SCFD1: variants seen among roughly 807,000 people sequenced by gnomAD.
SCFD1 encodes sec1 family domain-containing protein 1.
A neutral mutation model predicts 103.2 loss-of-function variants in SCFD1; 37 were observed. That is an observed-to-expected ratio of 0.36 (90% CI 0.28 to 0.47). SCFD1 has a LOEUF of 0.47. SCFD1 is among the 20% of genes least tolerant of loss of function. The pLI, the probability that SCFD1 is intolerant of heterozygous loss-of-function variation, is 1.00. For synonymous variants in SCFD1, 264 were observed against 245.0 expected (o/e 1.08, Z -0.73); for missense variants, 639 against 761.2 (o/e 0.84, Z 1.89).
At chr14:30,660,567 G>A (rs1002077409) in intron 10 of SCFD1, among the ~76,000 whole-genome samples, 3 of 151,736 alleles carry the variant, frequency 2.0e-5, no homozygotes, top group Non-Finnish European at 4.4e-5. Context: ...GGCAAATGGT[G>A]ATTTTCTGTT....
intron 5 of SCFD1, among the ~76,000 whole-genome samples, chr14:30,639,462 A>G (rs1006876050): frequency 1.3e-5 from 2 of 152,198 alleles, no homozygotes; most frequent in Non-Finnish European, 2.9e-5. Flanking sequence ...TTAAAATTGT[A>G]TGTTTTCTTC....
intron 23 of SCFD1, 180 bp from the exon 24 acceptor site, chr14:30,734,610 A>G (rs1428134653): frequency 1.8e-6 from 1 of 567,322 alleles, no homozygotes; most frequent in East Asian, 3.0e-5. Context: ...TGCTCATTTC[A>G]CCACTTTATT....
At position 30,695,735 on chromosome 14, in the gene SCFD1, G is replaced by A. The variant is rs1275454793; in HGVS notation, c.1339+866G>A. Reference sequence around the variant, plus strand: ...AAAATGAAGAAAGTTAGCCAGGCAGGGTGGCATGCATCTGTAGTCCCAGCT... The same window carrying A: ...AAAATGAAGAAAGTTAGCCAGGCAGAGTGGCATGCATCTGTAGTCCCAGCT... On this transcript the variant is annotated intron_variant, in intron 15 of 24. Coordinates refer to ENST00000458591, the MANE Select transcript of SCFD1 (RefSeq NM_016106.4). Among the ~76,000 whole-genome samples the A allele has an allele frequency of 3.3e-5, 5 of 152,006 alleles. No homozygotes were observed. The East Asian group carries it at 9.6e-4, about 29-fold the overall frequency.
At chr14:30,728,785 T>C (rs1893229349) in intron 23 of SCFD1, among the ~76,000 whole-genome samples, 1 of 151,954 alleles carries the variant, frequency 6.6e-6, no homozygotes, top group South Asian at 2.1e-4. Context: ...TTTTCACATG[T>C]GTATTGGCCA....
intron 23 of SCFD1, among the ~76,000 whole-genome samples, chr14:30,727,933 GAAAATA>G (rs1272412096): frequency 2.0e-5 from 3 of 152,160 alleles, no homozygotes; most frequent in Non-Finnish European, 4.4e-5. Context: ...TTAGATAGGT[GAAAATA>G]AAAACAGTCC....
chr14:30,626,894 G>A (rs1288936763), intron 1 of SCFD1, among the ~76,000 whole-genome samples: 1 of 152,158 alleles, frequency 6.6e-6, no homozygotes, highest in African/African-American at 2.4e-5. Context: ...ACCTCAGCAA[G>A]CAAGCATTTA....
intron 6 of SCFD1, among the ~76,000 whole-genome samples, chr14:30,641,120 G>A (rs962937697): frequency 2.0e-5 from 3 of 152,104 alleles, no homozygotes; most frequent in African/African-American, 7.2e-5. Flanking sequence ...ACTAAACACA[G>A]GCAGTCTCAC....
At chr14:30,645,929 T>C (rs1396460312) in intron 7 of SCFD1, among the ~76,000 whole-genome samples, 1 of 152,206 alleles carries the variant, frequency 6.6e-6, no homozygotes, top group Admixed American at 6.5e-5. Flanking sequence ...CTTTTGCCCA[T>C]TTATTATGAC....
intron 14 of SCFD1, among the ~76,000 whole-genome samples, chr14:30,683,839 T>C (rs1293432773): frequency 6.6e-6 from 1 of 152,216 alleles, no homozygotes; most frequent in Non-Finnish European, 1.5e-5. Flanking sequence ...GGTATAACTC[T>C]TTATTCCCTT....
At chr14:30,653,348 A>G (rs1336812806) in intron 9 of SCFD1, 141 bp from the exon 10 acceptor site, 10 of 604,600 alleles carry the variant, frequency 1.7e-5, no homozygotes, top group Admixed American at 1.6e-4. Context: ...CACATATACT[A>G]AAAAACAAAG....
At chr14:30,703,103 A>G (rs1305649187) in intron 17 of SCFD1, among the ~76,000 whole-genome samples, 5 of 152,044 alleles carry the variant, frequency 3.3e-5, no homozygotes, top group African/African-American at 1.2e-4. Flanking sequence ...TGTTTAATAA[A>G]TATTTCCTAA....
intron 19 of SCFD1, chr14:30,715,277 G>C (rs756725111): frequency 3.3e-5 from 5 of 151,998 alleles, no homozygotes; most frequent in Non-Finnish European, 5.9e-5. Flanking sequence ...GAGAGGAAAT[G>C]AAAAAAATAC....
rs532139935 is a variant in SCFD1, at chr14:30,710,590, T to C, written c.1629+2525T>C. On this transcript the variant is annotated intron_variant, in intron 19 of 24. Coordinates refer to ENST00000458591, the MANE Select transcript of SCFD1 (RefSeq NM_016106.4). Reference sequence around the variant, plus strand: ...TCTGGTTACTACTGTCCACGACAAATTGCTAGGATTGAAATCTAGAATCAA... The same window carrying C: ...TCTGGTTACTACTGTCCACGACAAACTGCTAGGATTGAAATCTAGAATCAA... Among the ~76,000 whole-genome samples the C allele has an allele frequency of 2.0e-3, 299 of 152,278 alleles. 1 individual carries two copies. Among genetic ancestry groups the C allele is most frequent in the Middle Eastern group, 0.01 (3 of 294 alleles).
At chr14:30,650,525 A>T in intron 8 of SCFD1, 40 bp from the exon 9 acceptor site, 1 of 1,169,526 alleles carries the variant, frequency 8.6e-7, no homozygotes, top group South Asian at 1.3e-5. Flanking sequence ...ATAAAGTTAT[A>T]TGAAACTGTT....
chr14:30,683,730 AT>A (rs1889687072), intron 14 of SCFD1: 1 of 169,298 alleles, frequency 5.9e-6, no homozygotes, highest in African/African-American at 2.4e-5. Flanking sequence ...AATCTGGAAT[AT>A]TCCTAACATA....
At chr14:30,712,512 T>A (rs796092527) in intron 19 of SCFD1, among the ~76,000 whole-genome samples, 15 of 152,352 alleles carry the variant, frequency 9.8e-5, no homozygotes, top group Admixed American at 2.6e-4. Context: ...GTCTTTTTTT[T>A]AAGTTTTTGT....
intron 1 of SCFD1, among the ~76,000 whole-genome samples, chr14:30,625,705 A>ATGTAGGCATATAGGTATACCTATATAGG: frequency 9.4e-6 from 1 of 105,962 alleles, no homozygotes. Flanking sequence ...AGGTATAGGT[A>ATGTAGGCATATAGGTATACCTATATAGG]TATAGGTATA....
At chr14:30,644,193 G>T (rs867460781) in intron 7 of SCFD1, among the ~76,000 whole-genome samples, 14 of 151,996 alleles carry the variant, frequency 9.2e-5, no homozygotes, top group Non-Finnish European at 1.3e-4. Flanking sequence ...TTTTTTTATG[G>T]CTCTATAAGT....
chr14:30,702,994 A>G (rs943360354), intron 17 of SCFD1, among the ~76,000 whole-genome samples: 1 of 152,084 alleles, frequency 6.6e-6, no homozygotes, highest in Non-Finnish European at 1.5e-5. Context: ...AATACAGTCA[A>G]GTCATTAAAA....
Sources: gnomAD v4.1 joint callset for allele counts (sites outside exome capture counted in the v4.1 genomes callset) on GRCh38, gnomAD v4.1.1 for gene constraint, MANE v1.5 for transcripts, NCBI Gene and HGNC (gene_info 2026-07-23, HGNC 2026-07-21) for gene names.